USP40: variants seen among roughly 807,000 people sequenced by gnomAD.
The protein encoded by USP40 is ubiquitin carboxyl-terminal hydrolase 40.
A neutral mutation model predicts 166.2 loss-of-function variants in USP40; 143 were observed. The ratio of observed to expected loss-of-function variants is 0.86; its 90% CI spans 0.75 to 0.99. USP40 has a LOEUF of 0.99. Ranked by LOEUF, USP40 falls within the 50% of genes least tolerant of loss-of-function variation. The pLI is 0.00. For missense variants in USP40, 1,444 were observed against 1,479.7 expected (o/e 0.98, Z 0.40); for synonymous variants, 498 against 524.0 (o/e 0.95, Z 0.68).
rs918013431 is a variant in USP40 at position 233,475,667 on chromosome 2, G to C, written c.*1725C>G. On this transcript the variant is annotated 3_prime_UTR_variant, in exon 32 of 32. Transcript: ENST00000678225. ...CAGGCCGGCCCGGCCGCACGCGCCT[G>C]CTGGACGGCACTTCAGGGCACAACC... 2.0e-5 allele frequency: 3 copies of C among 152,418 alleles called. No homozygotes were observed. The highest frequency in any genetic ancestry group is 6.5e-5 in the Admixed American group (1 of 15,292). 9.4% of individuals were successfully genotyped at this position (152,418 alleles called of 1,614,324 possible).
chr2:233,501,630 G>A (rs146792894), intron 21 of USP40, among the ~76,000 whole-genome samples: 2 of 152,340 alleles, frequency 1.3e-5, no homozygotes, highest in Admixed American at 1.3e-4. Flanking sequence ...CATTTTGATG[G>A]TAGAACCAAA....
At chr2:233,488,886 GAC>G (rs1222310226) in intron 27 of USP40, among the ~76,000 whole-genome samples, 6 of 152,016 alleles carry the variant, frequency 3.9e-5, no homozygotes, top group African/African-American at 1.5e-4. Flanking sequence ...CAGCCTGGGC[GAC>G]AGAGCCAGAC....
intron 18 of USP40, among the ~76,000 whole-genome samples, chr2:233,515,990 C>T (rs751589732): frequency 3.3e-5 from 5 of 152,200 alleles, no homozygotes; most frequent in African/African-American, 9.6e-5. Flanking sequence ...TCAATGACTA[C>T]GCACCTATTT....
Position 233,510,079 on chromosome 2 carries a change from G to T in USP40, c.2583C>A (p.Ile861=). 6.2e-7 allele frequency: 1 copy of T among 1,600,612 alleles called. No homozygotes were observed. The highest frequency in any genetic ancestry group is 8.5e-7 in the Non-Finnish European group (1 of 1,172,942). ...SDVQPGTEME[I]VVEETISVRD... is the part of the protein sequence containing the mutation. ...TCACAGATATTGTTTCTTCTACTAC[G>T]ATTTCCATTTCTGTCCCAGGTTGAA... Residue 861 remains isoleucine (I), a synonymous_variant, in exon 21 of 32, where the codon ATC becomes ATA. Transcript: ENST00000678225.
chr2:233,525,656 A>T, intron 13 of USP40, 94 bp from the exon 14 acceptor site: 1 of 869,166 alleles, frequency 1.2e-6, no homozygotes, highest in Non-Finnish European at 1.8e-6. Context: ...TATGAAGATG[A>T]CACAGAGAGC....
chr2:233,556,695 T>C (rs533503589), intron 5 of USP40, 160 bp downstream of exon 5: 1 of 559,908 alleles, frequency 1.8e-6, no homozygotes, highest in South Asian at 4.5e-5. Flanking sequence ...AAATCTGGAT[T>C]ATAGGCTCAT....
In USP40 at chr2:233,493,238, A is replaced by C. The variant is rs1185301523; in HGVS notation, c.2917+187T>G. 4.1e-6 allele frequency: 3 copies of C among 737,050 alleles called. No homozygotes were observed. The highest frequency in any genetic ancestry group is 1.8e-5 in the African/African-American group (1 of 56,382). The allele number at this position is 737,050 out of a possible 1,614,324, so 45.7% of individuals were successfully genotyped here. ...ATATAGTGCTTTACAGAGGTTACAG[A>C]GCACGTACAGAAATGGCACAGTGTT... On this transcript the variant is annotated intron_variant, in intron 25 of 31. Transcript: ENST00000678225. The surrounding 1 kb of genome is among the most constrained non-coding windows in gnomAD (Gnocchi z 4.7).
intron 2 of USP40, among the ~76,000 whole-genome samples, chr2:233,564,691 T>C (rs1019870699): frequency 1.3e-5 from 2 of 152,218 alleles, no homozygotes; most frequent in South Asian, 2.1e-4. Flanking sequence ...AAAGATAATA[T>C]GAAAAAAGTG....
chr2:233,517,781 G>GGTGTGTGTGTGT (rs111938537), intron 18 of USP40, among the ~76,000 whole-genome samples: 34 of 142,248 alleles, frequency 2.4e-4, no homozygotes, highest in East Asian at 1.1e-3. Context: ...AAGAAACTGT[G>GGTGTGTGTGTGT]GTGTGTGTGT....
At chr2:233,509,867 A>G (rs920596874) in intron 21 of USP40, among the ~76,000 whole-genome samples, 182 bp downstream of exon 21, 1 of 149,408 alleles carries the variant, frequency 6.7e-6, no homozygotes, top group East Asian at 2.0e-4. Flanking sequence ...AAAAAAATCC[A>G]GTTGGTTCAC....
intron 2 of USP40, 116 bp from the exon 3 acceptor site, chr2:233,562,919 G>A: frequency 5.6e-6 from 4 of 708,942 alleles, no homozygotes; most frequent in Non-Finnish European, 8.7e-6. Context: ...ATATGATTGT[G>A]GCAATATTTA....
chr2:233,556,157 A>G (rs1427631616), intron 5 of USP40, among the ~76,000 whole-genome samples: 1 of 152,050 alleles, frequency 6.6e-6, no homozygotes, highest in Non-Finnish European at 1.5e-5. Flanking sequence ...TCCTGATACA[A>G]ATACACAAAC....
chr2:233,524,999 C>T (rs1360579449), intron 14 of USP40, among the ~76,000 whole-genome samples: 1 of 152,160 alleles, frequency 6.6e-6, no homozygotes, highest in Non-Finnish European at 1.5e-5. Context: ...CAGATTTTGG[C>T]CCAAATTAGA....
intron 18 of USP40, among the ~76,000 whole-genome samples, chr2:233,513,098 T>C (rs1247118152): frequency 6.6e-6 from 1 of 152,198 alleles, no homozygotes; most frequent in African/African-American, 2.4e-5. Flanking sequence ...GTAAATTACA[T>C]ATAAAGAGTC....
chr2:233,494,317 G>A (rs902233877), intron 24 of USP40, among the ~76,000 whole-genome samples: 1 of 151,368 alleles, frequency 6.6e-6, no homozygotes, highest in Non-Finnish European at 1.5e-5. Context: ...AGAAAATTAT[G>A]TTGGTGAAAA....
intron 6 of USP40, among the ~76,000 whole-genome samples, chr2:233,553,648 C>A (rs1169791737): frequency 1.3e-5 from 2 of 152,136 alleles, no homozygotes; most frequent in Non-Finnish European, 2.9e-5. Context: ...AGTTGCCTCT[C>A]ATTTCTCCTC....
chr2:233,555,330 A>C (rs1575342524), intron 5 of USP40, among the ~76,000 whole-genome samples: 1 of 152,236 alleles, frequency 6.6e-6, no homozygotes, highest in South Asian at 2.1e-4. Context: ...AGCACTTACA[A>C]TTTGGCAAAT....
chr2:233,531,005 C>T (rs2068479619), intron 11 of USP40, among the ~76,000 whole-genome samples: 1 of 152,020 alleles, frequency 6.6e-6, no homozygotes, highest in Admixed American at 6.6e-5. Context: ...TCCTTTTTTA[C>T]ATAAATATTA....
intron 23 of USP40, 126 bp from the exon 24 acceptor site, chr2:233,496,958 A>G: frequency 1.6e-6 from 1 of 637,808 alleles, no homozygotes; most frequent in Non-Finnish European, 2.7e-6. Flanking sequence ...CAGATATGGA[A>G]GACACAGGAA....
Sources: gnomAD v4.1 joint callset for allele counts (sites outside exome capture counted in the v4.1 genomes callset) on GRCh38, gnomAD v4.1.1 for gene constraint, Gnocchi (gnomAD v3.1) non-coding constraint, MANE v1.5 for transcripts, NCBI Gene and HGNC (gene_info 2026-07-23, HGNC 2026-07-21) for gene names.